Variants in C13orf46 observed in about 807,000 individuals in gnomAD.
C13orf46 encodes uncharacterized protein C13orf46.
chr13:113,962,979 G>C (rs1483500689), intron 6 of C13orf46, among the ~76,000 whole-genome samples: 1 of 152,222 alleles, frequency 6.6e-6, no homozygotes, highest in African/African-American at 2.4e-5. Context: ...AGAGTGCAAT[G>C]TTCTCGAGGA....
chr13:113,967,930 G>A (rs1203192146), intron 4 of C13orf46, among the ~76,000 whole-genome samples: 7 of 152,214 alleles, frequency 4.6e-5, no homozygotes, highest in South Asian at 2.1e-4. Context: ...AGCCCAGAAC[G>A]TGTGTCTGAT....
chr13:113,955,529 C>G lies in C13orf46; in HGVS notation c.*1244G>C, dbSNP rs1338489803. On this transcript the variant is annotated 3_prime_UTR_variant, in exon 7 of 7. Coordinates refer to ENST00000636427, the MANE Select transcript of C13orf46 (RefSeq NM_001365455.2). ...TCTCGTGGAGCGGAGGAGCATCTGG[C>G]GGAGACGAGGAGCATCTCGTGGAGA... The G allele has an allele frequency of 4.1e-5, 4 of 96,950 alleles. No homozygotes were observed. Among genetic ancestry groups the G allele is most frequent in the Admixed American group, 3.4e-4 (3 of 8,792 alleles). The allele number at this position is 96,950 out of a possible 1,614,324, so 6.0% of individuals were successfully genotyped here.
the C13orf46 span, among the ~76,000 whole-genome samples, chr13:113,940,048 C>T: frequency 2.2e-4 from 34 of 152,204 alleles, no homozygotes; most frequent in East Asian, 3.9e-4. Flanking sequence ...GGGAGGCATT[C>T]GGGCCACCTC....
At chr13:113,966,133 T>C (rs909100155) in intron 5 of C13orf46, among the ~76,000 whole-genome samples, 3 of 150,332 alleles carry the variant, frequency 2.0e-5, no homozygotes, top group African/African-American at 7.4e-5. Flanking sequence ...GTGATTATAA[T>C]GGTGATGATG....
chr13:113,966,010 ATGG>A (rs1367206298), intron 5 of C13orf46, among the ~76,000 whole-genome samples: 4 of 149,696 alleles, frequency 2.7e-5, no homozygotes, highest in Admixed American at 1.3e-4. Context: ...GATGATGATG[ATGG>A]TGGTGATGAT....
At chr13:113,940,202 T>C in the C13orf46 span, among the ~76,000 whole-genome samples, 1 of 152,186 alleles carries the variant, frequency 6.6e-6, no homozygotes, top group African/African-American at 2.4e-5. Flanking sequence ...AGGAAGAGTG[T>C]GCAGCAGGGG....
the C13orf46 span, chr13:113,927,512 G>A: frequency 4.3e-5 from 17 of 398,614 alleles, no homozygotes; most frequent in African/African-American, 3.1e-4. Flanking sequence ...AGGCCACATC[G>A]ATGCTTGGAA....
rs1303646628 is a variant in C13orf46, at chr13:113,969,009, G to C, written c.243-249C>G. On this transcript the variant is annotated intron_variant, in intron 2 of 6. Transcript: ENST00000636427. Reference sequence around the variant, plus strand: ...CCTGTACAGCCAGGGTCTGGACTGGGATTACAGCCAACCTGGGCTTATTTT... The same window carrying C: ...CCTGTACAGCCAGGGTCTGGACTGGCATTACAGCCAACCTGGGCTTATTTT... Among the ~76,000 whole-genome samples, 8 of 152,348 alleles carry C rather than the reference G, an allele frequency of 5.3e-5. No individual in the cohort carries two copies. In the South Asian group the frequency reaches 1.7e-3, roughly 32 times the overall value.
the C13orf46 span, among the ~76,000 whole-genome samples, chr13:113,933,684 G>C: frequency 3.3e-5 from 5 of 152,074 alleles, no homozygotes; most frequent in Non-Finnish European, 5.9e-5. Context: ...CAGTATATAG[G>C]ACTTGTAAAT....
At chr13:113,949,240 G>A (rs2052480223), downstream of C13orf46, among the ~76,000 whole-genome samples, 1 of 152,198 alleles carries the variant, frequency 6.6e-6, no homozygotes, top group African/African-American at 2.4e-5. Context: ...GCTGTTCATG[G>A]GTTTCCTTCA....
At chr13:113,966,661 GTGGTGATGTGATAATGA>G (rs2052653258) in intron 5 of C13orf46, among the ~76,000 whole-genome samples, 1 of 151,780 alleles carries the variant, frequency 6.6e-6, no homozygotes, top group Admixed American at 6.6e-5. Flanking sequence ...GGGAATGATG[GTGGTGATGTGATAATGA>G]TGGTGATATT....
the C13orf46 span, among the ~76,000 whole-genome samples, chr13:113,945,324 T>C: frequency 6.6e-6 from 1 of 152,052 alleles, no homozygotes; most frequent in South Asian, 2.1e-4. Flanking sequence ...GACAGGCGGA[T>C]CACGAGGTCA....
At chr13:113,966,598 A>G (rs1019905145) in intron 5 of C13orf46, among the ~76,000 whole-genome samples, 13 of 149,224 alleles carry the variant, frequency 8.7e-5, no homozygotes, top group African/African-American at 3.2e-4. Context: ...GGTGATGATG[A>G]TGGTGACAGT....
chr13:113,944,229 C>G, the C13orf46 span, among the ~76,000 whole-genome samples: 1 of 151,900 alleles, frequency 6.6e-6, no homozygotes, highest in Non-Finnish European at 1.5e-5. Flanking sequence ...TCCAGGTCAC[C>G]TGGAGATGGA....
rs1041544965 is a variant in C13orf46 at position 113,967,392 on chromosome 13, C to T, written c.457-4G>A. On this transcript the variant is annotated splice_polypyrimidine_tract_variant and splice_region_variant and intron_variant, in intron 4 of 6. Transcript: ENST00000636427. Reference sequence around the variant, plus strand: ...TCTCCACAAACACAGATGCTTTCTGCGAATGGAAACCACAGAGGTGTGGAT... The same window carrying T: ...TCTCCACAAACACAGATGCTTTCTGTGAATGGAAACCACAGAGGTGTGGAT... 0.11 allele frequency: 16,084 copies of T among 152,248 alleles called. 1,110 individuals carry two copies. Among genetic ancestry groups the T allele is most frequent in the Middle Eastern group, 0.15 (44 of 294 alleles). The allele number at this position is 152,248 out of a possible 1,614,324, so 9.4% of individuals were successfully genotyped here.
the C13orf46 span, among the ~76,000 whole-genome samples, chr13:113,940,433 GA>G: frequency 6.6e-6 from 1 of 152,238 alleles, no homozygotes; most frequent in Admixed American, 6.5e-5. Context: ...TCTGCGTGAG[GA>G]TGGGCGTCTG....
At chr13:113,971,787 G>A (rs1046945087) in intron 1 of C13orf46, among the ~76,000 whole-genome samples, 3 of 152,242 alleles carry the variant, frequency 2.0e-5, no homozygotes, top group African/African-American at 7.2e-5. Context: ...AGTCCCTGCA[G>A]AAACCAAGGC....
chr13:113,929,265 C>T, the C13orf46 span, among the ~76,000 whole-genome samples: 31 of 152,376 alleles, frequency 2.0e-4, no homozygotes, highest in East Asian at 4.8e-3. Flanking sequence ...CCCCTCCTTC[C>T]GTCTGCCACC....
chr13:113,945,186 C>T, the C13orf46 span, among the ~76,000 whole-genome samples: 2 of 152,070 alleles, frequency 1.3e-5, no homozygotes, highest in Admixed American at 6.6e-5. Flanking sequence ...CATGGGCCCT[C>T]GGATGTGTGA....
Sources: allele counts gnomAD v4.1 joint callset (sites outside exome capture counted in the v4.1 genomes callset), GRCh38; gene constraint gnomAD v4.1.1; transcripts MANE v1.5; gene names NCBI Gene and HGNC (gene_info 2026-07-23, HGNC 2026-07-21).